CSNK1D: variants seen among roughly 807,000 people sequenced by gnomAD.
CSNK1D encodes the protein casein kinase I isoform delta.
A neutral mutation model predicts 46.6 loss-of-function variants in CSNK1D; 16 were observed. The observed-to-expected ratio is 0.34, with a 90% confidence interval of 0.23 to 0.52. The LOEUF (loss-of-function observed/expected upper bound fraction) is 0.52. Among genes scored for constraint, CSNK1D ranks in the 20% least tolerant of loss-of-function variants. The pLI is 0.95. For synonymous variants in CSNK1D, 276 were observed against 228.2 expected, an observed-to-expected ratio of 1.21 and a Z score of -1.89; for missense variants, 398 against 578.4, an observed-to-expected ratio of 0.69 and a Z score of 3.20.
chr17:82,264,354 C>T (rs1431968260), intron 2 of CSNK1D, among the ~76,000 whole-genome samples: 1 of 152,222 alleles, frequency 6.6e-6, no homozygotes, highest in Non-Finnish European at 1.5e-5. Flanking sequence ...TTGAGACACA[C>T]GCTTCATGGC....
At chr17:82,245,609 C>T (rs1268859687) in intron 8 of CSNK1D, 2 of 335,526 alleles carry the variant, frequency 6.0e-6, no homozygotes, top group Non-Finnish European at 1.2e-5. Flanking sequence ...CAGGCACGGC[C>T]GACCGCAGAC....
intron 1 of CSNK1D, among the ~76,000 whole-genome samples, chr17:82,271,736 C>A (rs1042856245): frequency 1.3e-5 from 2 of 152,194 alleles, no homozygotes; most frequent in South Asian, 2.1e-4. Flanking sequence ...TGTCAGCCCA[C>A]CGGGTCCTGA....
rs2050901089 is a variant in CSNK1D, at chr17:82,248,260, G to C, written c.1197+615C>G. The C allele has an allele frequency of 3.0e-6, 3 of 986,402 alleles. No homozygotes were observed. Among genetic ancestry groups the C allele is most frequent in the Non-Finnish European group, 3.6e-6 (3 of 830,566 alleles). 61.1% of individuals were successfully genotyped at this position (986,402 alleles called of 1,614,324 possible). On this transcript the variant is annotated intron_variant, in intron 8 of 8. Transcript: ENST00000314028. The surrounding 1 kb of genome is among the most constrained non-coding windows in gnomAD (Gnocchi z 4.1). ...AAAGAGCACGTTAGCAAACGCAAAA[G>C]ACAACAAAAGCCAGAGCGAGGAGAG... is the stretch of plus-strand genomic sequence containing the variant.
At chr17:82,261,457 A>G (rs546618228) in intron 2 of CSNK1D, among the ~76,000 whole-genome samples, 4 of 151,796 alleles carry the variant, frequency 2.6e-5, no homozygotes, top group African/African-American at 9.7e-5. Flanking sequence ...GACATGCTCC[A>G]CTCTCATCTG....
At position 82,242,911 on chromosome 17, in the gene CSNK1D, T is replaced by C. The variant is rs1303816200; in HGVS notation, c.*1870A>G. ...GGCGCAGAGCTGCCTCGCACAAACGTTCTGGGCACTACATCGGGACCACAG... is the reference window on the plus strand; with the variant it reads ...GGCGCAGAGCTGCCTCGCACAAACGCTCTGGGCACTACATCGGGACCACAG... On this transcript the variant is annotated 3_prime_UTR_variant, in exon 9 of 9. Coordinates refer to ENST00000314028, the MANE Select transcript of CSNK1D (RefSeq NM_001893.6). 1 of 985,274 alleles carries C rather than the reference T, an allele frequency of 1.0e-6. No individual in the cohort carries two copies. The highest frequency in any genetic ancestry group is 1.7e-5 in the African/African-American group (1 of 57,274). The allele number at this position is 985,274 out of a possible 1,614,324, so 61.0% of individuals were successfully genotyped here.
Position 82,244,335 on chromosome 17 carries a change from A to C in CSNK1D, c.*446T>G. The C allele has an allele frequency of 9.1e-7, 1 of 1,102,670 alleles. No homozygotes were observed. The highest frequency in any genetic ancestry group is 1.1e-6 in the Non-Finnish European group (1 of 897,112). The allele number at this position is 1,102,670 out of a possible 1,614,324, so 68.3% of individuals were successfully genotyped here. On this transcript the variant is annotated 3_prime_UTR_variant, in exon 9 of 9. Coordinates refer to ENST00000314028, the MANE Select transcript of CSNK1D (RefSeq NM_001893.6). ...ACATTTTTTTTGTAAGACTGCAAAAACAGACAAGAAACAATAAAAAGACAG... is the reference window on the plus strand; with the variant it reads ...ACATTTTTTTTGTAAGACTGCAAAACCAGACAAGAAACAATAAAAAGACAG...
chr17:82,252,618 G>A lies in CSNK1D; in HGVS notation c.566-14C>T. 6.2e-7 allele frequency: 1 copy of A among 1,612,578 alleles called. No individual in the cohort carries two copies. Among genetic ancestry groups the A allele is most frequent in the Non-Finnish European group, 8.5e-7 (1 of 1,179,746 alleles). Reference sequence around the variant, plus strand: ...TTCGGGATTGTTCTGAAAAGAAAAGGGAAAGGCGTGAAGAACGGCACTTGC... The same window carrying A: ...TTCGGGATTGTTCTGAAAAGAAAAGAGAAAGGCGTGAAGAACGGCACTTGC... On this transcript the variant is annotated splice_polypyrimidine_tract_variant and intron_variant, in intron 4 of 8. Transcript: ENST00000314028. This position sits in a 1 kb window ranked among gnomAD's most constrained non-coding sequence, Gnocchi z 4.6.
rs986224651 is a variant in CSNK1D, at chr17:82,273,403, T to C, written c.-22A>G. The C allele has an allele frequency of 4.3e-6, 7 of 1,609,912 alleles. No individual in the cohort carries two copies. The highest frequency in any genetic ancestry group is 5.1e-6 in the Non-Finnish European group (6 of 1,179,114). On this transcript the variant is annotated 5_prime_UTR_variant, in exon 1 of 9. Transcript: ENST00000314028. This position sits in a 1 kb window ranked among gnomAD's most constrained non-coding sequence, Gnocchi z 5.1. ...CCATGGCGGCGGCGGCCCGATTCGCTCCTGCCCTCCCGGCCGCTTCCTGGG... is the reference window on the plus strand; with the variant it reads ...CCATGGCGGCGGCGGCCCGATTCGCCCCTGCCCTCCCGGCCGCTTCCTGGG...
rs150560631 is a variant in CSNK1D, at chr17:82,248,853, C to A, written c.1197+22G>T. On this transcript the variant is annotated intron_variant, in intron 8 of 8. Coordinates refer to ENST00000314028, the MANE Select transcript of CSNK1D (RefSeq NM_001893.6). The surrounding 1 kb of genome is among the most constrained non-coding windows in gnomAD (Gnocchi z 4.1). ...ACGGGGTAGCCCGAGGCCCAGCGCC[C>A]GCCCGGGAGCTCTGCACCTACCTGT... The A allele has an allele frequency of 4.6e-5, 73 of 1,604,096 alleles. 1 individual carries two copies. In the East Asian group the frequency reaches 7.6e-4, roughly 17 times the overall value.
At position 82,249,437 on chromosome 17, in the gene CSNK1D, G is replaced by A. The variant is rs2050939210; in HGVS notation, c.1051C>T (p.His351Tyr). ...CTGGGAGGGGGGCACTCACCCGTGT[G>A]TGAGGTAGGGGTGAGGGGTGTGGGG... ...APPTPLTPTSHTANTSPRPVS... is the reference protein window; with the variant it reads ...APPTPLTPTSYTANTSPRPVS... Residue 351 changes from histidine to tyrosine, a missense_variant, in exon 7 of 9, where the codon CAC becomes TAC. Physicochemically the swap from His to Tyr is moderately conservative, Grantham distance 83. Coordinates refer to ENST00000314028, the MANE Select transcript of CSNK1D (RefSeq NM_001893.6). The surrounding 1 kb of genome is among the most constrained non-coding windows in gnomAD (Gnocchi z 6.7). The A allele has an allele frequency of 2.0e-6, 3 of 1,537,038 alleles. No individual in the cohort carries two copies. The highest frequency in any genetic ancestry group is 2.6e-6 in the Non-Finnish European group (3 of 1,146,006).
At chr17:82,271,652 T>A (rs1047812960) in intron 1 of CSNK1D, among the ~76,000 whole-genome samples, 2 of 152,338 alleles carry the variant, frequency 1.3e-5, no homozygotes, top group Non-Finnish European at 2.9e-5. Flanking sequence ...ATATGGCATG[T>A]GACAGGGTCA....
chr17:82,252,938 G>A lies in CSNK1D; in HGVS notation c.565+78C>T, dbSNP rs542306409. 2 of 1,337,360 alleles carry A rather than the reference G, an allele frequency of 1.5e-6. No individual in the cohort carries two copies. Among genetic ancestry groups the A allele is most frequent in the Middle Eastern group, 1.9e-4 (1 of 5,378 alleles). The allele number at this position is 1,337,360 out of a possible 1,614,324, so 82.8% of individuals were successfully genotyped here. A position where few individuals can be genotyped will look rare whatever the true frequency, so the allele number is the denominator to read the frequency against. On this transcript the variant is annotated intron_variant, in intron 4 of 8. Coordinates refer to ENST00000314028, the MANE Select transcript of CSNK1D (RefSeq NM_001893.6). This position sits in a 1 kb window ranked among gnomAD's most constrained non-coding sequence, Gnocchi z 4.6. ...CGCTTGCAGCCCCAGCTCCCCGAGA[G>A]GCTGGCCTCTCCCTGGGCTGAGGCA...
chr17:82,273,164 T>C lies in CSNK1D; in HGVS notation c.76+142A>G, dbSNP rs1431669948. ...CTGGCCGCGCTAGCCTAGTGGCCGT[T>C]GGGTTCTGGCCACGATCCGGCGGTG... On this transcript the variant is annotated intron_variant, in intron 1 of 8. Coordinates refer to ENST00000314028, the MANE Select transcript of CSNK1D (RefSeq NM_001893.6). The surrounding 1 kb of genome is among the most constrained non-coding windows in gnomAD (Gnocchi z 5.1). 2 of 846,764 alleles carry C rather than the reference T, an allele frequency of 2.4e-6. No homozygotes were observed. The highest frequency in any genetic ancestry group is 1.8e-5 in the African/African-American group (1 of 56,388). The allele number at this position is 846,764 out of a possible 1,614,324, so 52.5% of individuals were successfully genotyped here.
At chr17:82,256,621 T>G (rs977051793) in intron 2 of CSNK1D, among the ~76,000 whole-genome samples, 1 of 151,944 alleles carries the variant, frequency 6.6e-6, no homozygotes, top group Non-Finnish European at 1.5e-5. Context: ...CTCAGAGAGA[T>G]GGAAAACACA....
Position 82,249,114 on chromosome 17 carries a change from C to G in CSNK1D, c.1058-100G>C. ...GTGGCCAGAGAGGACCCTGGGCTGC[C>G]TGGACAGTCAGGACCTGGCTGTGGC... is the stretch of plus-strand genomic sequence containing the variant. On this transcript the variant is annotated intron_variant, in intron 7 of 8. Transcript: ENST00000314028. The surrounding 1 kb of genome is among the most constrained non-coding windows in gnomAD (Gnocchi z 6.7). 7.0e-7 allele frequency: 1 copy of G among 1,429,094 alleles called. No homozygotes were observed. The highest frequency in any genetic ancestry group is 1.3e-5 in the South Asian group (1 of 75,740). The allele number at this position is 1,429,094 out of a possible 1,614,324, so 88.5% of individuals were successfully genotyped here. A position where few individuals can be genotyped will look rare whatever the true frequency, so the allele number is the denominator to read the frequency against.
intron 1 of CSNK1D, among the ~76,000 whole-genome samples, chr17:82,272,603 T>G (rs1470962594): frequency 1.3e-5 from 2 of 152,236 alleles, no homozygotes; most frequent in Non-Finnish European, 2.9e-5. Context: ...CTTGCTCATT[T>G]GCACTCAGTC....
chr17:82,267,518 C>T (rs2051508367), intron 1 of CSNK1D, among the ~76,000 whole-genome samples: 2 of 152,156 alleles, frequency 1.3e-5, no homozygotes, highest in Non-Finnish European at 2.9e-5. Flanking sequence ...ACCGGGTCAC[C>T]GCCAGTGACC....
In CSNK1D at chr17:82,251,209, G is replaced by A; in HGVS notation, c.885+170C>T. The stretch of plus-strand genomic sequence containing the variant: ...GTCTTACTTCTTGGCACCCCTTTCT[G>A]GCAGGCAGACACCCACTCAGTCCAG... On this transcript the variant is annotated intron_variant, in intron 6 of 8. Transcript: ENST00000314028. The surrounding 1 kb of genome is among the most constrained non-coding windows in gnomAD (Gnocchi z 4.5). 1.4e-6 allele frequency: 1 copy of A among 736,944 alleles called. No individual in the cohort carries two copies. The highest frequency in any genetic ancestry group is 2.3e-6 in the Non-Finnish European group (1 of 441,446). The allele number at this position is 736,944 out of a possible 1,614,324, so 45.7% of individuals were successfully genotyped here.
intron 2 of CSNK1D, among the ~76,000 whole-genome samples, chr17:82,262,548 C>T (rs1004734248): frequency 3.3e-5 from 5 of 152,202 alleles, no homozygotes; most frequent in Admixed American, 6.5e-5. Flanking sequence ...TTGACTTTCA[C>T]GTGAAAGGAA....
Sources: allele counts gnomAD v4.1 joint callset (sites outside exome capture counted in the v4.1 genomes callset), GRCh38; gene constraint gnomAD v4.1.1; non-coding constraint Gnocchi (gnomAD v3.1); transcripts MANE v1.5; gene names NCBI Gene and HGNC (gene_info 2026-07-23, HGNC 2026-07-21).